Variants in IL6ST observed in about 807,000 individuals in gnomAD.
IL6ST encodes interleukin 6 cytokine family signal transducer.
In IL6ST, 24 loss-of-function variants were observed where a neutral mutation model predicts 91.3. That is an observed-to-expected ratio of 0.26 (90% CI 0.19 to 0.37). The LOEUF is 0.37. Among genes scored for constraint, IL6ST ranks in the 10% least tolerant of loss-of-function variants. The pLI is 1.00. For missense variants in IL6ST, 914 were observed against 1,078.5 expected (o/e 0.85, Z 2.14); for synonymous variants, 351 against 373.6 (o/e 0.94, Z 0.70).
At chr5:55,966,717 A>G (rs1752653284) in intron 5 of IL6ST, among the ~76,000 whole-genome samples, 1 of 152,204 alleles carries the variant, frequency 6.6e-6, no homozygotes, top group Admixed American at 6.5e-5. Flanking sequence ...GTGATAAAGC[A>G]AAGATAGTAA....
intron 5 of IL6ST, among the ~76,000 whole-genome samples, chr5:55,964,619 T>C (rs1386039980): frequency 6.6e-6 from 1 of 152,134 alleles, no homozygotes; most frequent in Admixed American, 6.5e-5. Flanking sequence ...CCAGTGCTGT[T>C]TTTTCTTTTT....
In IL6ST at chr5:55,936,542, C is replaced by A. The variant is rs1387192254; in HGVS notation, c.*4540G>T. The stretch of plus-strand genomic sequence containing the variant: ...CATTTAAAATGTCACAAAACCCACA[C>A]GAAGCATCTCATTTACACTAAGATG... On this transcript the variant is annotated 3_prime_UTR_variant, in exon 17 of 17. Coordinates refer to ENST00000381298, the MANE Select transcript of IL6ST (RefSeq NM_002184.4). 2 of 206,358 alleles carry A rather than the reference C, an allele frequency of 9.7e-6. No homozygotes were observed. The highest frequency in any genetic ancestry group is 7.4e-5 in the East Asian group (1 of 13,498). 12.8% of individuals were successfully genotyped at this position (206,358 alleles called of 1,614,324 possible).
intron 5 of IL6ST, among the ~76,000 whole-genome samples, chr5:55,967,744 G>A (rs1752720381): frequency 6.6e-6 from 1 of 152,092 alleles, no homozygotes; most frequent in Non-Finnish European, 1.5e-5. Flanking sequence ...CAGTGTTGAA[G>A]CTGAGTGATG....
At position 55,935,121 on chromosome 5, in the gene IL6ST, T is replaced by G. The variant is rs914980032; in HGVS notation, c.*5961A>C. ...TTTGGTTTTTTTTTGGCTTTTATTT[T>G]TGTGTGTGTGGATTACCACCATATA... On this transcript the variant is annotated 3_prime_UTR_variant, in exon 17 of 17. Transcript: ENST00000381298. 18 of 176,478 alleles carry G rather than the reference T, an allele frequency of 1.0e-4. No individual in the cohort carries two copies. The highest frequency in any genetic ancestry group is 1.5e-4 in the Non-Finnish European group (12 of 81,968). 10.9% of individuals were successfully genotyped at this position (176,478 alleles called of 1,614,324 possible).
chr5:55,952,906 C>T (rs952352891), intron 11 of IL6ST, among the ~76,000 whole-genome samples: 2 of 152,056 alleles, frequency 1.3e-5, no homozygotes, highest in Admixed American at 1.3e-4. Context: ...ACTGAAAATA[C>T]AAAAATTAGC....
chr5:55,958,919 G>A (rs952612223), intron 8 of IL6ST, among the ~76,000 whole-genome samples: 3 of 151,586 alleles, frequency 2.0e-5, no homozygotes, highest in Non-Finnish European at 2.9e-5. Context: ...AGAAAGGATA[G>A]GACAGGCAGA....
intron 15 of IL6ST, among the ~76,000 whole-genome samples, chr5:55,945,406 C>G (rs1022161364): frequency 3.3e-5 from 5 of 152,046 alleles, no homozygotes; most frequent in Admixed American, 6.6e-5. Flanking sequence ...GGAAAAGACA[C>G]TCTTTTCAAA....
At chr5:55,980,902 A>AT (rs1488487682) in intron 2 of IL6ST, among the ~76,000 whole-genome samples, 4 of 152,046 alleles carry the variant, frequency 2.6e-5, no homozygotes, top group Non-Finnish European at 5.9e-5. Flanking sequence ...TTTTTTAAAA[A>AT]TTTTTCTGTA....
intron 3 of IL6ST, among the ~76,000 whole-genome samples, chr5:55,970,961 G>A (rs1752929518): frequency 1.3e-5 from 2 of 151,914 alleles, no homozygotes; most frequent in Admixed American, 1.3e-4. Context: ...TTGGGTAAAA[G>A]AGAATTAAAC....
chr5:55,992,247 C>T (rs1754375068), intron 1 of IL6ST, among the ~76,000 whole-genome samples: 1 of 152,138 alleles, frequency 6.6e-6, no homozygotes, highest in African/African-American at 2.4e-5. Flanking sequence ...GTTTGAGGCA[C>T]CTGGTGGACA....
chr5:55,942,122 T>C (rs1750959701), intron 16 of IL6ST, among the ~76,000 whole-genome samples: 1 of 152,186 alleles, frequency 6.6e-6, no homozygotes. Flanking sequence ...AAATCAAACC[T>C]GAATGACAGA....
chr5:55,976,947 T>C (rs895995225), intron 2 of IL6ST, among the ~76,000 whole-genome samples: 4 of 152,160 alleles, frequency 2.6e-5, no homozygotes, highest in African/African-American at 9.7e-5. Flanking sequence ...AGACTTGGTA[T>C]TTCCACTCCA....
chr5:55,957,342 T>G, intron 8 of IL6ST, 51 bp from the exon 9 acceptor site: 1 of 923,972 alleles, frequency 1.1e-6, no homozygotes, highest in African/African-American at 1.7e-5. Context: ...AACAGTAAAA[T>G]AAAATTCTGC....
At chr5:55,959,888 A>G (rs964204496) in intron 8 of IL6ST, among the ~76,000 whole-genome samples, 3 of 150,780 alleles carry the variant, frequency 2.0e-5, no homozygotes, top group African/African-American at 7.4e-5. Flanking sequence ...TTCCATGATG[A>G]ATTTTTTTTT....
At chr5:55,958,614 G>T (rs1473897539) in intron 8 of IL6ST, among the ~76,000 whole-genome samples, 1 of 152,100 alleles carries the variant, frequency 6.6e-6, no homozygotes, top group Non-Finnish European at 1.5e-5. Context: ...GAGGGATGTG[G>T]TTCACTTCAG....
chr5:55,958,682 T>C (rs1282860591), intron 8 of IL6ST, among the ~76,000 whole-genome samples: 1 of 151,498 alleles, frequency 6.6e-6, no homozygotes, highest in Non-Finnish European at 1.5e-5. Context: ...CACAAAAAAA[T>C]ACAAAAATTT....
chr5:55,994,376 G>A (rs1580884330), intron 1 of IL6ST, among the ~76,000 whole-genome samples: 1 of 152,116 alleles, frequency 6.6e-6, no homozygotes, highest in African/African-American at 2.4e-5. Flanking sequence ...ATGAAAAAAC[G>A]GCTTTGGGGA....
intron 2 of IL6ST, among the ~76,000 whole-genome samples, chr5:55,979,170 T>G (rs74973390): frequency 1.3e-5 from 2 of 151,998 alleles, no homozygotes; most frequent in Non-Finnish European, 2.9e-5. Flanking sequence ...GGGGGAAGAA[T>G]TGCTTGAGGC....
At chr5:55,964,797 AT>A (rs1178642404) in intron 5 of IL6ST, among the ~76,000 whole-genome samples, 1 of 152,150 alleles carries the variant, frequency 6.6e-6, no homozygotes, top group Non-Finnish European at 1.5e-5. Flanking sequence ...TCTGATTTCT[AT>A]CACCATGGAA....
Sources: gnomAD v4.1 joint callset for allele counts (sites outside exome capture counted in the v4.1 genomes callset) on GRCh38, gnomAD v4.1.1 for gene constraint, MANE v1.5 for transcripts, NCBI Gene and HGNC (gene_info 2026-07-23, HGNC 2026-07-21) for gene names.